Variants in HS3ST4 observed in about 807,000 individuals in gnomAD.
The protein encoded by HS3ST4 is heparan sulfate-glucosamine 3-sulfotransferase 4, also known as heparan sulfate glucosamine 3-O-sulfotransferase 4.
A neutral mutation model predicts 29.2 loss-of-function variants in HS3ST4; 17 were observed. That is an observed-to-expected ratio of 0.58 (90% CI 0.40 to 0.87). The LOEUF is 0.87. HS3ST4 is among the 40% of genes least tolerant of loss of function. The pLI is 0.00. For missense variants in HS3ST4, 627 were observed against 634.5 expected, an observed-to-expected ratio of 0.99 and a Z score of 0.13; for synonymous variants, 314 against 285.7, an observed-to-expected ratio of 1.10 and a Z score of -1.00.
At chr16:25,786,875 G>T (rs1966858458) in intron 1 of HS3ST4, among the ~76,000 whole-genome samples, 2 of 152,198 alleles carry the variant, frequency 1.3e-5, no homozygotes, top group Non-Finnish European at 2.9e-5. Flanking sequence ...GATTCCGGGA[G>T]GGGGATGCTG....
chr16:25,874,022 C>G (rs1287323001), intron 1 of HS3ST4, among the ~76,000 whole-genome samples: 1 of 69,600 alleles, frequency 1.4e-5, no homozygotes, highest in Non-Finnish European at 3.3e-5. Flanking sequence ...ATCAAACACT[C>G]TCATCGCACC....
At chr16:25,931,520 C>T (rs752145183) in intron 1 of HS3ST4, among the ~76,000 whole-genome samples, 7 of 152,200 alleles carry the variant, frequency 4.6e-5, no homozygotes, top group East Asian at 1.9e-4. Context: ...AATTCAGATT[C>T]GCTCTTTATT....
intron 1 of HS3ST4, among the ~76,000 whole-genome samples, chr16:25,863,126 A>G (rs1157192122): frequency 1.3e-5 from 2 of 152,098 alleles, no homozygotes; most frequent in African/African-American, 2.4e-5. Context: ...ATTGATTTGC[A>G]TATCTTGGAA....
At chr16:25,955,212 G>C (rs960239997) in intron 1 of HS3ST4, among the ~76,000 whole-genome samples, 1 of 152,172 alleles carries the variant, frequency 6.6e-6, no homozygotes, top group Admixed American at 6.5e-5. Context: ...CTCTGGTGCA[G>C]TGGTATTTAC....
Position 25,790,240 on chromosome 16 carries a change from G to A in HS3ST4, c.734+97089G>A, listed in dbSNP as rs535988659. Among the ~76,000 whole-genome samples, 24 of 152,054 alleles carry A rather than the reference G, an allele frequency of 1.6e-4. No homozygotes were observed. In the East Asian group the frequency reaches 3.7e-3, roughly 23 times the overall value. On this transcript the variant is annotated intron_variant, in intron 1 of 1. Coordinates refer to ENST00000331351, the MANE Select transcript of HS3ST4 (RefSeq NM_006040.3). Reference sequence around the variant, plus strand: ...ACCGTGGCCAACATGGTGAAACCCCGTCTCTACAAAAATACAAAAATTAGC... The same window carrying A: ...ACCGTGGCCAACATGGTGAAACCCCATCTCTACAAAAATACAAAAATTAGC...
At chr16:25,770,418 C>G (rs923324527) in intron 1 of HS3ST4, among the ~76,000 whole-genome samples, 1 of 152,148 alleles carries the variant, frequency 6.6e-6, no homozygotes, top group African/African-American at 2.4e-5. Context: ...GAATTTGGTT[C>G]TATTATCACC....
chr16:26,037,979 A>G (rs543529181), intron 1 of HS3ST4, among the ~76,000 whole-genome samples: 9 of 152,288 alleles, frequency 5.9e-5, no homozygotes, highest in Admixed American at 5.2e-4. Flanking sequence ...GCCGGGTCAA[A>G]AGCCTCCAAT....
chr16:26,112,623 C>T (rs897954824), intron 1 of HS3ST4, among the ~76,000 whole-genome samples: 8 of 151,574 alleles, frequency 5.3e-5, no homozygotes, highest in Admixed American at 2.0e-4. Flanking sequence ...AAGATATTTG[C>T]AGTCTATATG....
intron 1 of HS3ST4, among the ~76,000 whole-genome samples, chr16:26,100,615 G>A (rs781709234): frequency 2.0e-5 from 3 of 152,068 alleles, no homozygotes; most frequent in Non-Finnish European, 4.4e-5. Context: ...CTGAATCCAT[G>A]GGGCAACTCT....
intron 1 of HS3ST4, among the ~76,000 whole-genome samples, chr16:26,039,027 G>T (rs376602361): frequency 6.6e-6 from 1 of 152,188 alleles, no homozygotes; most frequent in Non-Finnish European, 1.5e-5. Context: ...TGATCTCGGT[G>T]ACATCAGAGA....
At chr16:25,919,898 T>A (rs533219324) in intron 1 of HS3ST4, among the ~76,000 whole-genome samples, 1 of 150,672 alleles carries the variant, frequency 6.6e-6, no homozygotes, top group African/African-American at 2.4e-5. Context: ...AAAATCAGTA[T>A]GTAAACAGTT....
chr16:25,779,016 A>G (rs931415536), intron 1 of HS3ST4, among the ~76,000 whole-genome samples: 3 of 152,116 alleles, frequency 2.0e-5, no homozygotes, highest in Admixed American at 6.6e-5. Context: ...ACACACACAC[A>G]CGCACACACC....
At chr16:25,904,842 A>G (rs541114548) in intron 1 of HS3ST4, among the ~76,000 whole-genome samples, 1 of 152,332 alleles carries the variant, frequency 6.6e-6, no homozygotes, top group South Asian at 2.1e-4. Flanking sequence ...TAAGCATTAT[A>G]TGAGTTAATA....
intron 1 of HS3ST4, among the ~76,000 whole-genome samples, chr16:25,716,890 C>T (rs137921290): frequency 6.6e-6 from 1 of 152,220 alleles, no homozygotes; most frequent in African/African-American, 2.4e-5. Context: ...CCCATCTCTG[C>T]TAAAAATACA....
intron 1 of HS3ST4, among the ~76,000 whole-genome samples, chr16:25,845,673 A>AATG (rs1967459601): frequency 6.7e-6 from 1 of 150,050 alleles, no homozygotes; most frequent in Non-Finnish European, 1.5e-5. Flanking sequence ...TAATAATAAT[A>AATG]ATAATAATAA....
At chr16:25,782,022 G>A (rs1966853080) in intron 1 of HS3ST4, among the ~76,000 whole-genome samples, 1 of 152,176 alleles carries the variant, frequency 6.6e-6, no homozygotes, top group Non-Finnish European at 1.5e-5. Flanking sequence ...TTGGCTTACA[G>A]TTCAGCATGG....
intron 1 of HS3ST4, among the ~76,000 whole-genome samples, chr16:26,123,033 G>A (rs1899296449): frequency 6.7e-6 from 1 of 149,572 alleles, no homozygotes; most frequent in Non-Finnish European, 1.5e-5. Context: ...CAGCCTGGGT[G>A]ATAGAGTGAG....
chr16:25,831,396 TACACACACACACACACAC>T (rs58851793), intron 1 of HS3ST4, among the ~76,000 whole-genome samples: 105 of 126,138 alleles, frequency 8.3e-4, no homozygotes, highest in Middle Eastern at 4.1e-3. Context: ...ACCCCGTCTC[TACACACACACACACACAC>T]ACACACACAC....
At chr16:25,715,789 C>T (rs925325374) in intron 1 of HS3ST4, among the ~76,000 whole-genome samples, 4 of 152,200 alleles carry the variant, frequency 2.6e-5, no homozygotes, top group African/African-American at 7.2e-5. Flanking sequence ...ACAACAAAGC[C>T]GGAGTCCCTC....
Sources: gnomAD v4.1 joint callset for allele counts (sites outside exome capture counted in the v4.1 genomes callset) on GRCh38, gnomAD v4.1.1 for gene constraint, MANE v1.5 for transcripts, NCBI Gene and HGNC (gene_info 2026-07-23, HGNC 2026-07-21) for gene names.